SLC35F4: variants seen among roughly 807,000 people sequenced by gnomAD.
SLC35F4 encodes the protein chromosome 14 open reading frame 36.
SLC35F4 carries 24 observed loss-of-function variants against 44.2 expected under a neutral mutation model. That is an observed-to-expected ratio of 0.54 (90% CI 0.39 to 0.76). The LOEUF (loss-of-function observed/expected upper bound fraction) is 0.76, where lower values mean the gene tolerates loss of function less well. Ranked by LOEUF, SLC35F4 falls within the 30% of genes least tolerant of loss-of-function variation. The pLI is 0.00. For missense variants in SLC35F4, 562 were observed against 586.1 expected, an observed-to-expected ratio of 0.96 and a Z score of 0.42; for synonymous variants, 238 against 223.6, an observed-to-expected ratio of 1.06 and a Z score of -0.57.
At chr14:57,945,623 C>G (rs1456348122) in intron 1 of SLC35F4, among the ~76,000 whole-genome samples, 2 of 151,860 alleles carry the variant, frequency 1.3e-5, no homozygotes, top group Non-Finnish European at 2.9e-5. Context: ...CTTCTTTTCC[C>G]CTGGGTAGAT....
intron 1 of SLC35F4, among the ~76,000 whole-genome samples, chr14:57,813,330 C>T (rs1324304690): frequency 6.6e-6 from 1 of 152,186 alleles, no homozygotes; most frequent in Non-Finnish European, 1.5e-5. Flanking sequence ...TGGTTCATGC[C>T]TGTAATCCCA....
At chr14:57,576,976 T>C (rs17796529) in intron 4 of SLC35F4, among the ~76,000 whole-genome samples, 19,531 of 152,176 alleles carry the variant, frequency 0.13, 1,435 homozygotes, top group Non-Finnish European at 0.16. Flanking sequence ...GCTATATTCA[T>C]AAGTCATTGT....
chr14:57,814,937 A>G (rs149564072), intron 1 of SLC35F4, among the ~76,000 whole-genome samples: 216 of 152,310 alleles, frequency 1.4e-3, no homozygotes, highest in Non-Finnish European at 2.0e-3. Context: ...CTCAGTGACA[A>G]TTTAGAACAG....
intron 1 of SLC35F4, among the ~76,000 whole-genome samples, chr14:57,664,665 C>T (rs2074248789): frequency 6.6e-6 from 1 of 152,150 alleles, no homozygotes; most frequent in African/African-American, 2.4e-5. Flanking sequence ...CTTGCCTCGG[C>T]CTCCCAAAGT....
chr14:57,834,695 C>A (rs781083955), intron 1 of SLC35F4, among the ~76,000 whole-genome samples: 1 of 152,190 alleles, frequency 6.6e-6, no homozygotes, highest in African/African-American at 2.4e-5. Flanking sequence ...TCCTTCCTAT[C>A]CAGCATGTCA....
chr14:57,666,904 A>C (rs1566742171), intron 1 of SLC35F4, among the ~76,000 whole-genome samples: 1 of 152,064 alleles, frequency 6.6e-6, no homozygotes, highest in Non-Finnish European at 1.5e-5. Context: ...GCCCCCAGGG[A>C]GACGGAGACT....
At chr14:57,971,427 C>A (rs1421064747) in intron 1 of SLC35F4, among the ~76,000 whole-genome samples, 6 of 152,088 alleles carry the variant, frequency 3.9e-5, no homozygotes. Flanking sequence ...AAAACAAAAA[C>A]AAAAGCTGGT....
intron 1 of SLC35F4, among the ~76,000 whole-genome samples, chr14:57,961,211 A>G (rs1376597217): frequency 6.6e-6 from 1 of 152,202 alleles, no homozygotes; most frequent in Non-Finnish European, 1.5e-5. Flanking sequence ...CGTACCCCAC[A>G]AAAATCTGCA....
intron 1 of SLC35F4, among the ~76,000 whole-genome samples, chr14:57,616,676 G>T (rs1022045153): frequency 6.6e-6 from 1 of 152,104 alleles, no homozygotes; most frequent in African/African-American, 2.4e-5. Flanking sequence ...TGTTTACTTT[G>T]AATTCCACTC....
intron 1 of SLC35F4, among the ~76,000 whole-genome samples, chr14:57,657,613 C>T (rs1265733299): frequency 6.6e-6 from 1 of 152,086 alleles, no homozygotes; most frequent in Non-Finnish European, 1.5e-5. Flanking sequence ...TTGCATCGCA[C>T]GTGAGATTCT....
intron 1 of SLC35F4, among the ~76,000 whole-genome samples, chr14:57,840,097 A>G (rs2140958326): frequency 6.6e-6 from 1 of 152,294 alleles, no homozygotes; most frequent in East Asian, 1.9e-4. Flanking sequence ...TTCTGTTTTA[A>G]TTCTCGCAAA....
intron 2 of SLC35F4, among the ~76,000 whole-genome samples, chr14:57,591,987 C>T (rs1356587581): frequency 6.6e-6 from 1 of 152,190 alleles, no homozygotes; most frequent in Admixed American, 6.5e-5. Context: ...TGACTCTAGG[C>T]TTCTTCTGTT....
chr14:57,684,951 G>C (rs2075024890), intron 1 of SLC35F4, among the ~76,000 whole-genome samples: 1 of 152,168 alleles, frequency 6.6e-6, no homozygotes, highest in South Asian at 2.1e-4. Context: ...CAGCTTACAG[G>C]ATAATTAGCC....
intron 1 of SLC35F4, among the ~76,000 whole-genome samples, chr14:57,721,067 A>G (rs2347350): frequency 7.1e-6 from 1 of 141,506 alleles, no homozygotes; most frequent in Non-Finnish European, 1.5e-5. Context: ...AGTTCTGACC[A>G]TCTAGAGAAC....
At chr14:57,717,373 A>G (rs754894022) in intron 1 of SLC35F4, among the ~76,000 whole-genome samples, 2 of 152,144 alleles carry the variant, frequency 1.3e-5, no homozygotes, top group Non-Finnish European at 2.9e-5. Context: ...GCGGTGGCTC[A>G]CCCCTGTAAT....
At chr14:57,975,918 G>A (rs1881201901), downstream of SLC35F4, among the ~76,000 whole-genome samples, 1 of 152,208 alleles carries the variant, frequency 6.6e-6, no homozygotes, top group South Asian at 2.1e-4. Flanking sequence ...GACTTATAGT[G>A]GCAACAGGGT....
intron 1 of SLC35F4, among the ~76,000 whole-genome samples, chr14:57,865,064 C>G (rs910522459): frequency 6.0e-5 from 9 of 150,390 alleles, no homozygotes; most frequent in African/African-American, 2.2e-4. Flanking sequence ...TCAGACCCCC[C>G]CCCCCCACGC....
chr14:57,842,903 C>T (rs2140965081), intron 1 of SLC35F4, among the ~76,000 whole-genome samples: 1 of 152,266 alleles, frequency 6.6e-6, no homozygotes, highest in South Asian at 2.1e-4. Context: ...GTCAGCATGG[C>T]TAGAATAAAG....
chr14:57,949,312 T>C (rs1455835789), intron 1 of SLC35F4, among the ~76,000 whole-genome samples: 1 of 152,324 alleles, frequency 6.6e-6, no homozygotes, highest in South Asian at 2.1e-4. Context: ...CTGTTGTTGC[T>C]TTAAAGTCTG....
Sources: gnomAD v4.1 joint callset for allele counts (sites outside exome capture counted in the v4.1 genomes callset) on GRCh38, gnomAD v4.1.1 for gene constraint, MANE v1.5 for transcripts, NCBI Gene and HGNC (gene_info 2026-07-23, HGNC 2026-07-21) for gene names.